ASCC1: variants seen among roughly 807,000 people sequenced by gnomAD.
ASCC1 encodes the protein activating signal cointegrator 1 complex subunit 1.
In ASCC1, 35 loss-of-function variants were observed where a neutral mutation model predicts 46.6. That is an observed-to-expected ratio of 0.75 (90% confidence interval 0.57 to 0.99). The LOEUF (loss-of-function observed/expected upper bound fraction) is 0.99. Among genes scored for constraint, ASCC1 ranks in the 50% least tolerant of loss-of-function variants. The pLI is 0.00. For synonymous variants in ASCC1, 143 were observed against 146.6 expected (o/e 0.98, Z 0.18); for missense variants, 376 against 428.7 (o/e 0.88, Z 1.09).
intron 5 of ASCC1, among the ~76,000 whole-genome samples, chr10:72,185,001 C>A (rs541886490): frequency 4.6e-5 from 7 of 152,048 alleles, no homozygotes; most frequent in Admixed American, 1.3e-4. Context: ...CACAAATGGC[C>A]AATGAGCACA....
intron 9 of ASCC1, among the ~76,000 whole-genome samples, chr10:72,112,967 T>C (rs1843095439): frequency 6.7e-6 from 1 of 148,996 alleles, no homozygotes; most frequent in African/African-American, 2.5e-5. Flanking sequence ...CAAAATAATA[T>C]GAACAGTCCT....
At chr10:72,187,276 T>C (rs151034210) in intron 5 of ASCC1, among the ~76,000 whole-genome samples, 23 of 152,200 alleles carry the variant, frequency 1.5e-4, no homozygotes, top group Admixed American at 5.2e-4. Flanking sequence ...TGGCCTTATT[T>C]AAGTACATAA....
chr10:72,098,646 T>G (rs1264992485), intron 9 of ASCC1, among the ~76,000 whole-genome samples: 1 of 152,266 alleles, frequency 6.6e-6, no homozygotes, highest in Admixed American at 6.5e-5. Flanking sequence ...TGGCCACCAT[T>G]GCTTTTCCTC....
rs1397707471 is a variant in ASCC1, at chr10:72,152,760, A to C, written c.746+109T>G. 5 of 1,281,116 alleles carry C rather than the reference A, an allele frequency of 3.9e-6. No individual in the cohort carries two copies. In the African/African-American group the frequency reaches 7.5e-5, roughly 19 times the overall value. The allele number at this position is 1,281,116 out of a possible 1,614,324, so 79.4% of individuals were successfully genotyped here. A position where few individuals can be genotyped will look rare whatever the true frequency, so the allele number is the denominator to read the frequency against. On this transcript the variant is annotated intron_variant, in intron 7 of 9. Coordinates refer to ENST00000672957, the MANE Select transcript of ASCC1 (RefSeq NM_001198800.3). ...AAAAAAAGAGAGAGAAATAATTAAC[A>C]TGTTCTTTACAATAAGAACTCAAAG...
intron 5 of ASCC1, among the ~76,000 whole-genome samples, chr10:72,187,685 A>ACT (rs1853680357): frequency 7.1e-6 from 1 of 141,254 alleles, no homozygotes; most frequent in Non-Finnish European, 1.5e-5. Context: ...ACGCCACTGC[A>ACT]CTCCAGCCTG....
At chr10:72,193,445 A>AAC (rs57910616) in intron 5 of ASCC1, among the ~76,000 whole-genome samples, 2,859 of 146,464 alleles carry the variant, frequency 0.02, 42 homozygotes, top group East Asian at 0.096. Flanking sequence ...TAATAAACAA[A>AAC]ACACACACAC....
At position 72,136,895 on chromosome 10, in the gene ASCC1, G is replaced by A. The variant is rs545589036; in HGVS notation, c.747-3714C>T. Among the ~76,000 whole-genome samples the A allele has an allele frequency of 1.2e-3, 181 of 151,998 alleles. 1 individual carries two copies. Among genetic ancestry groups the A allele is most frequent in the African/African-American group, 3.9e-3 (163 of 41,432 alleles). The stretch of plus-strand genomic sequence containing the variant: ...TCACTCCTGAAGTCAGCAAGACCAC[G>A]AACCCACCGGCAGGAAGAAACTCCG... On this transcript the variant is annotated intron_variant, in intron 7 of 9. Transcript: ENST00000672957.
intron 9 of ASCC1, among the ~76,000 whole-genome samples, chr10:72,102,149 A>C (rs915877870): frequency 6.6e-6 from 1 of 152,180 alleles, no homozygotes; most frequent in Non-Finnish European, 1.5e-5. Context: ...AAAAATTACA[A>C]AAGAAACATA....
chr10:72,173,742 T>C (rs1272229806), intron 5 of ASCC1, among the ~76,000 whole-genome samples: 1 of 145,422 alleles, frequency 6.9e-6, no homozygotes, highest in Admixed American at 6.6e-5. Context: ...CTGTTTTTCT[T>C]TGCTCGGAAT....
chr10:72,138,600 CTTTTTTTTTTTTTT>C (rs1011535460), intron 7 of ASCC1, among the ~76,000 whole-genome samples: 1 of 104,542 alleles, frequency 9.6e-6, no homozygotes, highest in Non-Finnish European at 1.8e-5. Flanking sequence ...TTCTTTCTTT[CTTTTTTTTTTTTTT>C]TTTTTTTTTG....
rs192563076 is a variant in ASCC1, at chr10:72,200,464, C to T, written c.310+2963G>A. Among the ~76,000 whole-genome samples the T allele has an allele frequency of 4.1e-3, 616 of 152,094 alleles. 3 individuals carry two copies. Among genetic ancestry groups the T allele is most frequent in the African/African-American group, 0.014 (562 of 41,494 alleles). On this transcript the variant is annotated intron_variant, in intron 4 of 9. Coordinates refer to ENST00000672957, the MANE Select transcript of ASCC1 (RefSeq NM_001198800.3). ...GGGAGTTGGAGACCAGCCTGATCAA[C>T]ATGGAGAAACCCCATCTCTACTAAA...
At position 72,183,044 on chromosome 10, in the gene ASCC1, C is replaced by CTT. The variant is rs1359356933; in HGVS notation, c.489+13765_489+13766dup. Among the ~76,000 whole-genome samples, 803 of 135,364 alleles carry CTT rather than the reference C, an allele frequency of 5.9e-3. 4 individuals carry two copies. The highest frequency in any genetic ancestry group is 0.01 in the Non-Finnish European group (622 of 61,608). 88.8% of individuals were successfully genotyped at this position (135,364 alleles called of 152,430 possible). On this transcript the variant is annotated intron_variant, in intron 5 of 9. Coordinates refer to ENST00000672957, the MANE Select transcript of ASCC1 (RefSeq NM_001198800.3). ...GCCAGATAAGAATGACAAAAAATTT[C>CTT]TTTTTTTTTTTTTTTTGAGACAGAG...
intron 7 of ASCC1, 78 bp downstream of exon 7, chr10:72,152,791 G>T: frequency 1.3e-6 from 2 of 1,525,988 alleles, no homozygotes; most frequent in Non-Finnish European, 1.8e-6. Flanking sequence ...CAAAGAAAAG[G>T]AATCAAAATG....
chr10:72,203,081 G>A (rs1425029335), intron 4 of ASCC1, among the ~76,000 whole-genome samples: 1 of 152,092 alleles, frequency 6.6e-6, no homozygotes. Flanking sequence ...GAGGTCAGGA[G>A]TTCGAGACCA....
At chr10:72,143,969 A>G (rs1044763080) in intron 7 of ASCC1, among the ~76,000 whole-genome samples, 10 of 151,592 alleles carry the variant, frequency 6.6e-5, no homozygotes, top group African/African-American at 2.4e-4. Context: ...AGCCTTCTCT[A>G]TTGCTAATAA....
intron 6 of ASCC1, among the ~76,000 whole-genome samples, chr10:72,157,111 T>C (rs987202495): frequency 6.6e-6 from 1 of 152,214 alleles, no homozygotes; most frequent in African/African-American, 2.4e-5. Context: ...CCGGCCCAGA[T>C]ACTTTTTCTA....
intron 5 of ASCC1, 104 bp from the exon 6 acceptor site, chr10:72,161,778 G>T: frequency 7.2e-7 from 1 of 1,380,612 alleles, no homozygotes; most frequent in Non-Finnish European, 1.0e-6. Context: ...ACAGCCAAGT[G>T]ATTTTCCACA....
intron 7 of ASCC1, chr10:72,133,876 TA>T (rs886104553): frequency 4.6e-5 from 7 of 153,200 alleles, no homozygotes; most frequent in African/African-American, 1.7e-4. Flanking sequence ...TTTTATCTGT[TA>T]AATCATTTAA....
chr10:72,214,276 T>A (rs1181830694), intron 1 of ASCC1, among the ~76,000 whole-genome samples: 1 of 152,000 alleles, frequency 6.6e-6, no homozygotes, highest in Non-Finnish European at 1.5e-5. Context: ...TGTCCATGGC[T>A]TTGAAAGAGA....
Sources: allele counts gnomAD v4.1 joint callset (sites outside exome capture counted in the v4.1 genomes callset), GRCh38; gene constraint gnomAD v4.1.1; transcripts MANE v1.5; gene names NCBI Gene and HGNC (gene_info 2026-07-23, HGNC 2026-07-21).